FLRT2: variants seen among roughly 807,000 people sequenced by gnomAD.
FLRT2 encodes the protein fibronectin leucine rich transmembrane protein 2, also known as leucine-rich repeat transmembrane protein FLRT2.
Under a neutral mutation model 40.0 loss-of-function variants are expected in FLRT2, and 15 were observed. The observed-to-expected ratio is 0.38, with a 90% CI of 0.25 to 0.58. FLRT2 has a LOEUF of 0.58. Among genes scored for constraint, FLRT2 ranks in the 20% least tolerant of loss-of-function variants. The pLI, the probability that FLRT2 is intolerant of heterozygous loss-of-function variation, is 0.71. For synonymous variants in FLRT2, 380 were observed against 336.8 expected (o/e 1.13, Z -1.41); for missense variants, 726 against 840.0 (o/e 0.86, Z 1.68).
chr14:85,619,997 A>G (rs570293186), intron 1 of FLRT2, among the ~76,000 whole-genome samples: 2 of 152,118 alleles, frequency 1.3e-5, no homozygotes, highest in African/African-American at 2.4e-5. Flanking sequence ...GAGCTTGGCA[A>G]CTCTTCAAGG....
chr14:85,623,419 T>G lies in FLRT2; in HGVS notation c.1905T>G (p.Asn635Lys). ...TTTACACCCCAAATGGGGGCATTAA[T>G]TACACAGACTGCCATATCCCCAACA... ...QPIYTPNGGI[N>K]YTDCHIPNNM... The change falls in exon 2 of 2, where the codon AAT becomes AAG. Residue 635 changes from asparagine (N) to lysine (K), a missense_variant. Asn to Lys is a moderately conservative substitution (Grantham distance 94). This residue lies in a region of FLRT2 where 611 missense variants were observed against 690.0 expected (regional missense o/e 0.89). Coordinates refer to ENST00000330753, the MANE Select transcript of FLRT2 (RefSeq NM_013231.6). The G allele has an allele frequency of 2.0e-6, 3 of 1,501,196 alleles. No individual in the cohort carries two copies. The highest frequency in any genetic ancestry group is 2.7e-6 in the Non-Finnish European group (3 of 1,127,880). 93.0% of individuals were successfully genotyped at this position (1,501,196 alleles called of 1,614,324 possible).
chr14:85,569,342 T>C (rs928517847), intron 1 of FLRT2, among the ~76,000 whole-genome samples: 4 of 152,202 alleles, frequency 2.6e-5, no homozygotes, highest in African/African-American at 9.6e-5. Flanking sequence ...GAAGGGGAAG[T>C]TTGTGCTCCT....
At position 85,589,980 on chromosome 14, in the gene FLRT2, A is replaced by G. The variant is rs2139314287; in HGVS notation, c.-376-31159A>G. On this transcript the variant is annotated intron_variant, in intron 1 of 1. Transcript: ENST00000330753. ...CTGTGTCAGTTTTTATGCCAGTACC[A>G]CGCTGTTTTGGTTACTATAGCTCTG... Among the ~76,000 whole-genome samples, 2 of 151,222 alleles carry G rather than the reference A, an allele frequency of 1.3e-5. 1 individual carries two copies. The highest frequency in any genetic ancestry group is 4.9e-5 in the African/African-American group (2 of 41,236).
intron 1 of FLRT2, among the ~76,000 whole-genome samples, chr14:85,592,784 C>A (rs1891951561): frequency 1.2e-5 from 1 of 81,472 alleles, no homozygotes; most frequent in Non-Finnish European, 2.3e-5. Context: ...AGCGAAACTC[C>A]GTCTCAAAAA....
At position 85,622,519 on chromosome 14, in the gene FLRT2, G is replaced by A. The variant is rs755570691; in HGVS notation, c.1005G>A (p.Arg335=). ...ATATCCCTTCATCTCTCAACGTGCGGGGTTTCATGTGCCAAGGTCCTGAAC... is the reference window on the plus strand; with the variant it reads ...ATATCCCTTCATCTCTCAACGTGCGAGGTTTCATGTGCCAAGGTCCTGAAC... The part of the protein sequence containing the change: ...LKYIPSSLNV[R]GFMCQGPEQV... Residue 335 remains arginine (R), a synonymous_variant, in exon 2 of 2, where the codon CGG becomes CGA. Transcript: ENST00000330753. 3 of 1,613,898 alleles carry A rather than the reference G, an allele frequency of 1.9e-6. No individual in the cohort carries two copies. The highest frequency in any genetic ancestry group is 2.7e-5 in the African/African-American group (2 of 74,852).
chr14:85,569,332 G>A (rs1327539724), intron 1 of FLRT2, among the ~76,000 whole-genome samples: 1 of 152,220 alleles, frequency 6.6e-6, no homozygotes. Context: ...GGCATGGAGT[G>A]AAGGGGAAGT....
At chr14:85,534,317 C>T (rs1044103291) in intron 1 of FLRT2, among the ~76,000 whole-genome samples, 1 of 152,170 alleles carries the variant, frequency 6.6e-6, no homozygotes, top group Non-Finnish European at 1.5e-5. Context: ...ATTTCACTTA[C>T]CGCACGCTCC....
chr14:85,532,569 T>C (rs1888351776), intron 1 of FLRT2, among the ~76,000 whole-genome samples: 1 of 150,426 alleles, frequency 6.6e-6, no homozygotes, highest in Non-Finnish European at 1.5e-5. Flanking sequence ...AGGCTGAATC[T>C]TTCTTTGTCC....
At chr14:85,536,812 C>T (rs1888689751) in intron 1 of FLRT2, among the ~76,000 whole-genome samples, 1 of 152,070 alleles carries the variant, frequency 6.6e-6, no homozygotes, top group Non-Finnish European at 1.5e-5. Flanking sequence ...ATGTTATGGA[C>T]TAATAGAGAG....
intron 1 of FLRT2, among the ~76,000 whole-genome samples, chr14:85,543,308 A>G (rs1889087263): frequency 6.6e-6 from 1 of 152,024 alleles, no homozygotes; most frequent in Non-Finnish European, 1.5e-5. Flanking sequence ...TAGTTGTCTG[A>G]CTTGTAGTCA....
chr14:85,623,033 A>G lies in FLRT2; in HGVS notation c.1519A>G (p.Thr507Ala), dbSNP rs201327363. The G allele has an allele frequency of 6.2e-7, 1 of 1,614,108 alleles. No homozygotes were observed. The highest frequency in any genetic ancestry group is 2.2e-5 in the East Asian group (1 of 44,848). ...DAFNYRAVED[T>A]ICSEATTHAS... ...TTTTAACTACCGCGCGGTAGAAGAC[A>G]CCATTTGTTCAGAGGCCACCACCCA... Residue 507 changes from threonine (T) to alanine (A), a missense_variant, in exon 2 of 2, where the codon ACC becomes GCC. Physicochemically the swap from Thr to Ala is moderately conservative, Grantham distance 58 (BLOSUM62 0). This residue lies in a region of FLRT2 where 611 missense variants were observed against 690.0 expected (regional missense o/e 0.89). Coordinates refer to ENST00000330753, the MANE Select transcript of FLRT2 (RefSeq NM_013231.6).
At chr14:85,549,636 G>T (rs931497298) in intron 1 of FLRT2, among the ~76,000 whole-genome samples, 2 of 152,106 alleles carry the variant, frequency 1.3e-5, no homozygotes, top group Non-Finnish European at 2.9e-5. Context: ...TGTGTTTGTG[G>T]CTACTTCCTC....
Position 85,625,924 on chromosome 14 carries a change from G to A in FLRT2, c.*2427G>A, listed in dbSNP as rs1893664400. On this transcript the variant is annotated 3_prime_UTR_variant, in exon 2 of 2. Transcript: ENST00000330753. ...ACCACTTTGGGCCAGGAAGAACAAGGATGAAGAGGTTCCTGTCATTTCTTA... is the reference window on the plus strand; with the variant it reads ...ACCACTTTGGGCCAGGAAGAACAAGAATGAAGAGGTTCCTGTCATTTCTTA... The A allele has an allele frequency of 6.0e-6, 1 of 167,068 alleles. No homozygotes were observed. Among genetic ancestry groups the A allele is most frequent in the African/African-American group, 2.4e-5 (1 of 41,440 alleles). The allele number at this position is 167,068 out of a possible 1,614,324, so 10.3% of individuals were successfully genotyped here. A position where few individuals can be genotyped will look rare whatever the true frequency, so the allele number is the denominator to read the frequency against.
At chr14:85,559,459 T>C (rs1890173523) in intron 1 of FLRT2, 2 of 152,230 alleles carry the variant, frequency 1.3e-5, no homozygotes, top group Non-Finnish European at 2.9e-5. Context: ...AAATGAGTAT[T>C]AGTTCCTTTG....
chr14:85,593,427 C>T (rs1330092939), intron 1 of FLRT2, among the ~76,000 whole-genome samples: 2 of 152,140 alleles, frequency 1.3e-5, no homozygotes, highest in African/African-American at 4.8e-5. Flanking sequence ...TAATTTAGAG[C>T]ATGTCATACC....
intron 1 of FLRT2, among the ~76,000 whole-genome samples, chr14:85,563,630 A>C (rs1018877576): frequency 2.6e-5 from 4 of 152,072 alleles, no homozygotes; most frequent in Non-Finnish European, 5.9e-5. Flanking sequence ...TGAGAACAGC[A>C]AGGGGGAAGT....
At position 85,639,243 on chromosome 14, in the gene FLRT2, T is replaced by C. The variant is rs1894086558; in HGVS notation, c.*15746T>C. 1 of 152,238 alleles carries C rather than the reference T, an allele frequency of 6.6e-6. No homozygotes were observed. Among genetic ancestry groups the C allele is most frequent in the Non-Finnish European group, 1.5e-5 (1 of 68,040 alleles). The allele number at this position is 152,238 out of a possible 1,614,324, so 9.4% of individuals were successfully genotyped here. A position where few individuals can be genotyped will look rare whatever the true frequency, so the allele number is the denominator to read the frequency against. ...CATTCACTGTTGCCCTGTTTCCTTT[T>C]CCTTGACAAATTCAGTTAACCGGAT... On this transcript the variant is annotated 3_prime_UTR_variant, in exon 2 of 2. Transcript: ENST00000330753.
At chr14:85,563,506 G>C (rs1595029046) in intron 1 of FLRT2, among the ~76,000 whole-genome samples, 1 of 152,172 alleles carries the variant, frequency 6.6e-6, no homozygotes. Context: ...GTGGAAGAAG[G>C]GCGAAGGGGA....
At position 85,635,104 on chromosome 14, in the gene FLRT2, T is replaced by C. The variant is rs1893970999; in HGVS notation, c.*11607T>C. The C allele has an allele frequency of 6.6e-6, 1 of 152,190 alleles. No homozygotes were observed. Among genetic ancestry groups the C allele is most frequent in the Non-Finnish European group, 1.5e-5 (1 of 68,014 alleles). 9.4% of individuals were successfully genotyped at this position (152,190 alleles called of 1,614,324 possible). A position where few individuals can be genotyped will look rare whatever the true frequency, so the allele number is the denominator to read the frequency against. On this transcript the variant is annotated 3_prime_UTR_variant, in exon 2 of 2. Transcript: ENST00000330753. ...CTAACATGTTTCTCATTAGTTATAA[T>C]AACCTTAAACTTGATATGTTAGGGA...
Sources: allele counts gnomAD v4.1 joint callset (sites outside exome capture counted in the v4.1 genomes callset), GRCh38; gene constraint gnomAD v4.1.1; regional missense constraint gnomAD v4.1.1; transcripts MANE v1.5; gene names NCBI Gene and HGNC (gene_info 2026-07-23, HGNC 2026-07-21).